The following FBXO8 variants were observed in gnomAD, a reference collection of about 807,000 sequenced individuals.
FBXO8 encodes the protein F-box protein 8.
FBXO8 carries 15 observed loss-of-function variants against 33.4 expected under a neutral mutation model. That is an observed-to-expected ratio of 0.45 (90% CI 0.30 to 0.69). The LOEUF (loss-of-function observed/expected upper bound fraction) is 0.69. FBXO8 is among the 30% of genes least tolerant of loss of function. The pLI is 0.08. For synonymous variants in FBXO8, 132 were observed against 131.5 expected, an observed-to-expected ratio of 1.00 and a Z score of -0.02; for missense variants, 274 against 380.3, an observed-to-expected ratio of 0.72 and a Z score of 2.32.
intron 3 of FBXO8, among the ~76,000 whole-genome samples, chr4:174,258,338 A>T (rs1432770177): frequency 6.6e-6 from 1 of 152,174 alleles, no homozygotes; most frequent in Non-Finnish European, 1.5e-5. Flanking sequence ...GCACAATAAC[A>T]ACATTTAAAT....
rs958050468 is a variant in FBXO8 at position 174,267,307 on chromosome 4, C to T, written c.-8-4207G>A. 1.3e-5 allele frequency among the ~76,000 whole-genome samples: 2 copies of T among 152,046 alleles called. No individual in the cohort carries two copies. Among genetic ancestry groups the T allele is most frequent in the Admixed American group, 6.6e-5 (1 of 15,258 alleles). Reference sequence around the variant, plus strand: ...TCATGTCTGTAATCCCAGCACTTTTCGAGAAGCTGAGGCAGGAGGACTGCT... The same window carrying T: ...TCATGTCTGTAATCCCAGCACTTTTTGAGAAGCTGAGGCAGGAGGACTGCT... On this transcript the variant is annotated intron_variant, in intron 1 of 5. Transcript: ENST00000393674. The surrounding 1 kb of genome is among the most constrained non-coding windows in gnomAD (Gnocchi z 4.7).
chr4:174,268,001 ATATT>A (rs1337691750), intron 1 of FBXO8, among the ~76,000 whole-genome samples: 3 of 152,240 alleles, frequency 2.0e-5, no homozygotes, highest in Non-Finnish European at 4.4e-5. Context: ...GAGAAAATAG[ATATT>A]TATTTCTTTG....
At chr4:174,269,304 T>C (rs1028527723) in intron 1 of FBXO8, 4 of 150,728 alleles carry the variant, frequency 2.7e-5, no homozygotes, top group African/African-American at 9.8e-5. Flanking sequence ...AACTCTTCCT[T>C]TCCAAGGAAA....
Position 174,281,123 on chromosome 4 carries a change from T to A in FBXO8, c.-9+2287A>T, listed in dbSNP as rs533564761. 6.6e-6 allele frequency among the ~76,000 whole-genome samples: 1 copy of A among 152,112 alleles called. No individual in the cohort carries two copies. Among genetic ancestry groups the A allele is most frequent in the Non-Finnish European group, 1.5e-5 (1 of 68,010 alleles). ...AGGGAAAAAACTCTGAAAAACAAAT[T>A]AATAAATAAAAGAAGAGATGATGGC... On this transcript the variant is annotated intron_variant, in intron 1 of 5. Coordinates refer to ENST00000393674, the MANE Select transcript of FBXO8 (RefSeq NM_012180.3). This position sits in a 1 kb window ranked among gnomAD's most constrained non-coding sequence, Gnocchi z 4.6.
chr4:174,262,985 G>C lies in FBXO8; in HGVS notation c.108C>G (p.Ser36Arg). The change falls in exon 2 of 6, where the codon AGC becomes AGG. Residue 36 changes from serine to arginine, a missense_variant. Physicochemically the swap from Ser to Arg is moderately radical, Grantham distance 110 (BLOSUM62 -1). Around this residue, in one of 2 missense-constraint regions of FBXO8, gnomAD observed 88 missense variants for 86.9 expected, o/e 1.01. Coordinates refer to ENST00000393674, the MANE Select transcript of FBXO8 (RefSeq NM_012180.3). The surrounding 1 kb of genome is among the most constrained non-coding windows in gnomAD (Gnocchi z 4.6). ...TREQSRRMAA[S>R]NISNTNHRKQ... ...TACGATGATTGGTGTTAGAAATGTT[G>C]CTCGCAGCCATTCTCCTGCTCTGCT... 1 of 1,613,984 alleles carries C rather than the reference G, an allele frequency of 6.2e-7. No individual in the cohort carries two copies. The highest frequency in any genetic ancestry group is 1.1e-5 in the South Asian group (1 of 91,084).
chr4:174,276,575 ATTTTG>A (rs1026965837), intron 1 of FBXO8, among the ~76,000 whole-genome samples: 4 of 152,056 alleles, frequency 2.6e-5, no homozygotes, highest in Non-Finnish European at 1.5e-5. Flanking sequence ...ATATATTTAG[ATTTTG>A]TTTTGTTTTG....
chr4:174,240,257 A>G (rs527681049), intron 4 of FBXO8, among the ~76,000 whole-genome samples: 3 of 151,898 alleles, frequency 2.0e-5, no homozygotes, highest in Admixed American at 6.6e-5. Context: ...ACATCTTTCA[A>G]TGACCAGGAT....
At chr4:174,249,875 A>G (rs1416085682) in intron 3 of FBXO8, among the ~76,000 whole-genome samples, 1 of 152,022 alleles carries the variant, frequency 6.6e-6, no homozygotes, top group Non-Finnish European at 1.5e-5. Flanking sequence ...GACAAAGGGT[A>G]TCATTTAAAG....
chr4:174,262,835 C>T lies in FBXO8; in HGVS notation c.258G>A (p.Leu86=). The stretch of plus-strand genomic sequence containing the variant: ...AAGCCAAGCAAAGGTCAGTTGCATT[C>T]AGGTAGGACAAGATGGTAAAGCTTA... ...PELSFTILSY[L]NATDLCLASC... The change falls in exon 2 of 6, where the codon CTG becomes CTA. Residue 86 remains leucine (L), a synonymous_variant. Transcript: ENST00000393674. The surrounding 1 kb of genome is among the most constrained non-coding windows in gnomAD (Gnocchi z 4.6). 1 of 1,614,046 alleles carries T rather than the reference C, an allele frequency of 6.2e-7. No individual in the cohort carries two copies.
intron 3 of FBXO8, among the ~76,000 whole-genome samples, chr4:174,249,943 ATATAGTTATC>A (rs1207780328): frequency 6.6e-6 from 1 of 152,038 alleles, no homozygotes; most frequent in Non-Finnish European, 1.5e-5. Context: ...GTCAGGTGTC[ATATAGTTATC>A]TACTAGAATC....
rs552001696 is a variant in FBXO8 at position 174,265,462 on chromosome 4, C to T, written c.-8-2362G>A. Among the ~76,000 whole-genome samples, 3 of 152,036 alleles carry T rather than the reference C, an allele frequency of 2.0e-5. No homozygotes were observed. The highest frequency in any genetic ancestry group is 2.1e-4 in the South Asian group (1 of 4,818). Reference sequence around the variant, plus strand: ...AGCAACTACGATGTACTTCATTATGCGAATGTATAAATAAGCTGTGGTACA... The same window carrying T: ...AGCAACTACGATGTACTTCATTATGTGAATGTATAAATAAGCTGTGGTACA... On this transcript the variant is annotated intron_variant, in intron 1 of 5. Transcript: ENST00000393674. The surrounding 1 kb of genome is among the most constrained non-coding windows in gnomAD (Gnocchi z 4.7).
At chr4:174,238,410 CA>C (rs1304234486) in intron 5 of FBXO8, among the ~76,000 whole-genome samples, 1 of 151,830 alleles carries the variant, frequency 6.6e-6, no homozygotes. Flanking sequence ...ACGACAGGAA[CA>C]GTTTTGTAAT....
rs1042721883 is a variant in FBXO8 at position 174,270,183 on chromosome 4, T to C, written c.-8-7083A>G. Among the ~76,000 whole-genome samples the C allele has an allele frequency of 6.6e-6, 1 of 152,230 alleles. No individual in the cohort carries two copies. Among genetic ancestry groups the C allele is most frequent in the Non-Finnish European group, 1.5e-5 (1 of 68,040 alleles). On this transcript the variant is annotated intron_variant, in intron 1 of 5. Transcript: ENST00000393674. This position sits in a 1 kb window ranked among gnomAD's most constrained non-coding sequence, Gnocchi z 4.6. ...CCACATTAGCCGAGACAGAGCTATTTTATTAAATTAATCTCATGTATAAGA... is the reference window on the plus strand; with the variant it reads ...CCACATTAGCCGAGACAGAGCTATTCTATTAAATTAATCTCATGTATAAGA...
chr4:174,249,123 T>TC (rs981548984), intron 3 of FBXO8, among the ~76,000 whole-genome samples: 4 of 151,972 alleles, frequency 2.6e-5, no homozygotes, highest in African/African-American at 9.7e-5. Flanking sequence ...AATTCTAATA[T>TC]CCCCCAAAAG....
chr4:174,263,194 T>A lies in FBXO8; in HGVS notation c.-8-94A>T. 1 of 1,152,966 alleles carries A rather than the reference T, an allele frequency of 8.7e-7. No homozygotes were observed. Among genetic ancestry groups the A allele is most frequent in the Non-Finnish European group, 1.2e-6 (1 of 825,384 alleles). The allele number at this position is 1,152,966 out of a possible 1,614,324, so 71.4% of individuals were successfully genotyped here. On this transcript the variant is annotated intron_variant, in intron 1 of 5. Coordinates refer to ENST00000393674, the MANE Select transcript of FBXO8 (RefSeq NM_012180.3). This position sits in a 1 kb window ranked among gnomAD's most constrained non-coding sequence, Gnocchi z 4.2. Reference sequence around the variant, plus strand: ...AAATCTGACATGAAGCATTCATTTATCAGAATTAAAACTTCTCATTAAAAC... The same window carrying A: ...AAATCTGACATGAAGCATTCATTTAACAGAATTAAAACTTCTCATTAAAAC...
In FBXO8 at chr4:174,263,005, T is replaced by C; in HGVS notation, c.88A>G (p.Ser30Gly). ...ATGTTGCTCGCAGCCATTCTCCTGC[T>C]CTGCTCTCTGGTGAGGTAGCCTTGC... The part of the protein sequence containing the change: ...SEQGYLTREQ[S>G]RRMAASNISN... Residue 30 changes from serine (S) to glycine (G), a missense_variant, in exon 2 of 6, where the codon AGC becomes GGC. Coordinates refer to ENST00000393674, the MANE Select transcript of FBXO8 (RefSeq NM_012180.3). This position sits in a 1 kb window ranked among gnomAD's most constrained non-coding sequence, Gnocchi z 4.2. The C allele has an allele frequency of 6.2e-7, 1 of 1,614,052 alleles. No homozygotes were observed. Among genetic ancestry groups the C allele is most frequent in the Non-Finnish European group, 8.5e-7 (1 of 1,179,930 alleles).
In FBXO8 at chr4:174,237,164, C is replaced by A; in HGVS notation, c.*248G>T. 1 of 374,974 alleles carries A rather than the reference C, an allele frequency of 2.7e-6. No individual in the cohort carries two copies. Among genetic ancestry groups the A allele is most frequent in the Non-Finnish European group, 4.8e-6 (1 of 207,066 alleles). The allele number at this position is 374,974 out of a possible 1,614,324, so 23.2% of individuals were successfully genotyped here. A position where few individuals can be genotyped will look rare whatever the true frequency, so the allele number is the denominator to read the frequency against. On this transcript the variant is annotated 3_prime_UTR_variant, in exon 6 of 6. Transcript: ENST00000393674. The surrounding 1 kb of genome is among the most constrained non-coding windows in gnomAD (Gnocchi z 4.4). ...ATGTCAGTTTATCATTCGTTAACAG[C>A]TGTGTTAGACAGTGGCTCTGCTTTG...
chr4:174,269,578 G>A (rs1419904903), intron 1 of FBXO8, among the ~76,000 whole-genome samples: 3 of 151,870 alleles, frequency 2.0e-5, no homozygotes, highest in Admixed American at 6.6e-5. Context: ...CCAGCTACTG[G>A]GAAGGCTGAG....
chr4:174,245,933 T>C lies in FBXO8; in HGVS notation c.457-4715A>G, dbSNP rs1736147918. On this transcript the variant is annotated intron_variant, in intron 3 of 5. Coordinates refer to ENST00000393674, the MANE Select transcript of FBXO8 (RefSeq NM_012180.3). The surrounding 1 kb of genome is among the most constrained non-coding windows in gnomAD (Gnocchi z 4.6). ...GGTCAAAAAAAGTCAAAGAGGGTGT[T>C]GATTTGAAGAAAACAGTGATGAGTT... Among the ~76,000 whole-genome samples, 1 of 151,880 alleles carries C rather than the reference T, an allele frequency of 6.6e-6. No individual in the cohort carries two copies. Among genetic ancestry groups the C allele is most frequent in the Non-Finnish European group, 1.5e-5 (1 of 67,910 alleles).
Sources: gnomAD v4.1 joint callset for allele counts (sites outside exome capture counted in the v4.1 genomes callset) on GRCh38, gnomAD v4.1.1 for gene constraint, gnomAD v4.1.1 regional missense constraint, Gnocchi (gnomAD v3.1) non-coding constraint, MANE v1.5 for transcripts, NCBI Gene and HGNC (gene_info 2026-07-23, HGNC 2026-07-21) for gene names.